PDE1A: variants seen among roughly 807,000 people sequenced by gnomAD.
PDE1A encodes phosphodiesterase 1A.
In PDE1A, 35 loss-of-function variants were observed where a neutral mutation model predicts 61.7. That is an observed-to-expected ratio of 0.57 (90% CI 0.43 to 0.75). PDE1A has a LOEUF of 0.75. PDE1A is among the 30% of genes least tolerant of loss of function. The pLI is 0.00. For missense variants in PDE1A, 597 were observed against 630.6 expected, an observed-to-expected ratio of 0.95 and a Z score of 0.57; for synonymous variants, 232 against 213.2, an observed-to-expected ratio of 1.09 and a Z score of -0.77.
At chr2:182,489,199 A>G (rs1688221001) in intron 2 of PDE1A, among the ~76,000 whole-genome samples, 1 of 152,200 alleles carries the variant, frequency 6.6e-6, no homozygotes, top group Non-Finnish European at 1.5e-5. Context: ...GCAGATTCAC[A>G]AGCCCTAGGG....
intron 7 of PDE1A, among the ~76,000 whole-genome samples, chr2:182,208,812 C>T (rs1211965200): frequency 6.6e-6 from 1 of 152,204 alleles, no homozygotes; most frequent in Non-Finnish European, 1.5e-5. Flanking sequence ...ATGGGGCCTA[C>T]AGTCCCTTTG....
At chr2:182,364,466 TAAAAAAAAAAAAAAAAA>T (rs201821721) in intron 1 of PDE1A, among the ~76,000 whole-genome samples, 30 of 35,842 alleles carry the variant, frequency 8.4e-4, no homozygotes, top group South Asian at 3.9e-3. Context: ...AACACTTTGG[TAAAAAAAAAAAAAAAAA>T]AAAAAAAAAA....
intron 7 of PDE1A, among the ~76,000 whole-genome samples, chr2:182,220,788 C>A (rs1412644945): frequency 6.6e-6 from 1 of 151,966 alleles, no homozygotes; most frequent in Non-Finnish European, 1.5e-5. Context: ...AAAACACTCT[C>A]AATCCAAGTA....
At chr2:182,186,948 T>C (rs1685259019) in intron 11 of PDE1A, among the ~76,000 whole-genome samples, 1 of 152,210 alleles carries the variant, frequency 6.6e-6, no homozygotes, top group South Asian at 2.1e-4. Flanking sequence ...GATCATTATC[T>C]TTTTTGAAAG....
chr2:182,380,043 T>C (rs1700634704), intron 1 of PDE1A, among the ~76,000 whole-genome samples: 1 of 152,006 alleles, frequency 6.6e-6, no homozygotes, highest in Non-Finnish European at 1.5e-5. Flanking sequence ...CCTCTCTACA[T>C]TTACCTATTT....
rs201039371 is a variant in PDE1A, at chr2:182,306,499, CAA to C, written c.54-42087_54-42086del. ...AACCACACACACACACACACACACA[CAA>C]AAGCAAGGCAATATTGAGCAAAAAG... On this transcript the variant is annotated intron_variant, in intron 1 of 13. Coordinates refer to ENST00000351439, the Ensembl canonical transcript of PDE1A. Among the ~76,000 whole-genome samples the C allele has an allele frequency of 3.6e-3, 547 of 151,918 alleles. 2 individuals carry two copies. Among genetic ancestry groups the C allele is most frequent in the African/African-American group, 0.012 (518 of 41,450 alleles).
intron 7 of PDE1A, among the ~76,000 whole-genome samples, chr2:182,207,767 C>G (rs1687237095): frequency 6.6e-6 from 1 of 152,200 alleles, no homozygotes; most frequent in South Asian, 2.1e-4. Flanking sequence ...GAAGGCCTAG[C>G]AGGGAAAAAT....
chr2:182,372,708 T>C (rs1700184311), intron 1 of PDE1A, among the ~76,000 whole-genome samples: 1 of 152,182 alleles, frequency 6.6e-6, no homozygotes, highest in Admixed American at 6.5e-5. Flanking sequence ...AAGTTATTCA[T>C]ACTAGAGAAC....
At chr2:182,586,648 T>C in the PDE1A span, among the ~76,000 whole-genome samples, 2 of 152,172 alleles carry the variant, frequency 1.3e-5, no homozygotes, top group Non-Finnish European at 2.9e-5. Flanking sequence ...CAGTGGCCTC[T>C]ACTGACTAGA....
intron 2 of PDE1A, among the ~76,000 whole-genome samples, chr2:182,253,981 A>C (rs1001407364): frequency 6.6e-6 from 1 of 152,160 alleles, no homozygotes; most frequent in Non-Finnish European, 1.5e-5. Context: ...GTAACTGTCA[A>C]ATGATTTTCA....
At chr2:182,363,634 A>G (rs556167445) in intron 1 of PDE1A, among the ~76,000 whole-genome samples, 225 of 152,192 alleles carry the variant, frequency 1.5e-3, no homozygotes, top group African/African-American at 5.2e-3. Flanking sequence ...TTTGAGGAAG[A>G]GTGAAAATTT....
At chr2:182,586,196 C>G in the PDE1A span, among the ~76,000 whole-genome samples, 56,109 of 151,934 alleles carry the variant, frequency 0.37, 11,501 homozygotes, top group East Asian at 0.62. Flanking sequence ...TTTTTTTAAA[C>G]TTCAAAATTG....
chr2:182,513,988 T>G (rs1689980054), intron 2 of PDE1A, among the ~76,000 whole-genome samples: 1 of 152,074 alleles, frequency 6.6e-6, no homozygotes, highest in African/African-American at 2.4e-5. Context: ...AACCATACAA[T>G]AATAGTGTAA....
At chr2:182,271,780 T>C (rs576680429) in intron 1 of PDE1A, among the ~76,000 whole-genome samples, 1 of 152,252 alleles carries the variant, frequency 6.6e-6, no homozygotes, top group South Asian at 2.1e-4. Flanking sequence ...GTATTTATGG[T>C]TTGCATTAAC....
chr2:182,706,981 A>T, the PDE1A span, among the ~76,000 whole-genome samples: 9,564 of 152,330 alleles, frequency 0.063, 368 homozygotes, highest in Middle Eastern at 0.12. Flanking sequence ...TCACTTCTAC[A>T]ATAATCCACT....
chr2:182,324,760 C>A (rs1466669405), intron 1 of PDE1A, among the ~76,000 whole-genome samples: 1 of 152,144 alleles, frequency 6.6e-6, no homozygotes, highest in Admixed American at 6.5e-5. Flanking sequence ...CGGTTTGTCC[C>A]TTCCATCCTC....
At chr2:182,462,385 T>C (rs1410068216) in intron 2 of PDE1A, among the ~76,000 whole-genome samples, 1 of 151,608 alleles carries the variant, frequency 6.6e-6, no homozygotes, top group Non-Finnish European at 1.5e-5. Context: ...TATATACATA[T>C]GTATATCTTA....
At chr2:182,648,823 C>T in the PDE1A span, among the ~76,000 whole-genome samples, 6 of 152,152 alleles carry the variant, frequency 3.9e-5, no homozygotes, top group East Asian at 1.9e-4. Flanking sequence ...AATGCCAACA[C>T]TTCCAGTCAC....
chr2:182,688,507 C>T, the PDE1A span, among the ~76,000 whole-genome samples: 1 of 152,160 alleles, frequency 6.6e-6, no homozygotes, highest in Non-Finnish European at 1.5e-5. Flanking sequence ...TAGGCCTACC[C>T]TACAAGAGCT....
Sources: allele counts gnomAD v4.1 joint callset (sites outside exome capture counted in the v4.1 genomes callset), GRCh38; gene constraint gnomAD v4.1.1; transcripts MANE v1.5; gene names NCBI Gene and HGNC (gene_info 2026-07-23, HGNC 2026-07-21).